The following ZNF451 variants were observed in gnomAD, a reference collection of about 807,000 sequenced individuals.
ZNF451 encodes the protein E3 SUMO-protein ligase ZNF451.
Under a neutral mutation model 107.1 loss-of-function variants are expected in ZNF451, and 80 were observed. That is an observed-to-expected ratio of 0.75 (90% CI 0.62 to 0.90). The LOEUF is 0.90. ZNF451 is among the 40% of genes least tolerant of loss of function. The pLI, the probability that ZNF451 is intolerant of heterozygous loss-of-function variation, is 0.00. For synonymous variants in ZNF451, 362 were observed against 406.5 expected (o/e 0.89, Z 1.32); for missense variants, 1,107 against 1,236.2 (o/e 0.90, Z 1.57).
In ZNF451 at chr6:57,169,535, A is replaced by G. The variant is rs1269283027; in HGVS notation, c.*1066A>G. 7 of 152,142 alleles carry G rather than the reference A, an allele frequency of 4.6e-5. No individual in the cohort carries two copies. 9.4% of individuals were successfully genotyped at this position (152,142 alleles called of 1,614,324 possible). On this transcript the variant is annotated 3_prime_UTR_variant, in exon 15 of 15. Transcript: ENST00000370706. ...TGTCTTATCTCTAAAAATTTTTAGT[A>G]GTAATTATTTACCAAACTTAAAAAC...
intron 2 of ZNF451, among the ~76,000 whole-genome samples, chr6:57,097,868 C>G (rs1829401377): frequency 6.6e-6 from 1 of 151,978 alleles, no homozygotes; most frequent in Admixed American, 6.6e-5. Context: ...ATTGGCATTA[C>G]TATTCTTATA....
chr6:57,115,318 T>C (rs1230853771), intron 3 of ZNF451: 2 of 152,260 alleles, frequency 1.3e-5, no homozygotes, highest in African/African-American at 4.8e-5. Flanking sequence ...GGAAGAGATG[T>C]TGAAATGTAA....
At chr6:57,168,236 C>T (rs544131433) in intron 14 of ZNF451, among the ~76,000 whole-genome samples, 187 bp from the exon 15 acceptor site, 1 of 152,246 alleles carries the variant, frequency 6.6e-6, no homozygotes, top group Admixed American at 6.5e-5. Context: ...AATTCAAGAT[C>T]ATGTCTAGAT....
chr6:57,166,367 G>A (rs1763898076), intron 14 of ZNF451, among the ~76,000 whole-genome samples: 1 of 152,080 alleles, frequency 6.6e-6, no homozygotes, highest in Non-Finnish European at 1.5e-5. Context: ...TCAGTAATCA[G>A]TTCACCTTAG....
intron 4 of ZNF451, 51 bp from the exon 5 acceptor site, chr6:57,128,678 C>G: frequency 7.7e-7 from 1 of 1,295,412 alleles, no homozygotes; most frequent in Non-Finnish European, 1.1e-6. Flanking sequence ...ATCCTTTTCT[C>G]AAGGAAAACA....
intron 14 of ZNF451, among the ~76,000 whole-genome samples, chr6:57,163,436 C>CTTTTTTTTT (rs398001706): frequency 0.013 from 389 of 30,346 alleles, 120 homozygotes; most frequent in Non-Finnish European, 0.015. Flanking sequence ...AATGAATAAA[C>CTTTTTTTTT]TTTTTTTTTT....
In ZNF451 at chr6:57,152,188, G is replaced by GATT. The variant is rs776143396; in HGVS notation, c.2753-30_2753-28dup. 50 of 1,581,706 alleles carry GATT rather than the reference G, an allele frequency of 3.2e-5. 2 individuals are homozygous for GATT. The Middle Eastern group carries it at 1.0e-3, about 32-fold the overall frequency. ...ATTTTTGGCCTTTCCTCTCCTGTTT[G>GATT]ATTATCATTTTTGCCTTTTCTAAAA... On this transcript the variant is annotated intron_variant, in intron 11 of 14. Transcript: ENST00000370706.
At chr6:57,151,058 A>C (rs538967369) in intron 11 of ZNF451, 196 bp downstream of exon 11, 1 of 609,272 alleles carries the variant, frequency 1.6e-6, no homozygotes, top group African/African-American at 1.9e-5. Context: ...CTATCTGGTG[A>C]CTCAAAGTTT....
chr6:57,134,486 G>A (rs112160441), intron 6 of ZNF451, among the ~76,000 whole-genome samples: 1 of 152,166 alleles, frequency 6.6e-6, no homozygotes, highest in Non-Finnish European at 1.5e-5. Context: ...GGTAAGAAAT[G>A]TCTAAATCTA....
chr6:57,168,999 T>C lies in ZNF451; in HGVS notation c.*530T>C, dbSNP rs1399268485. 2.0e-5 allele frequency: 3 copies of C among 152,292 alleles called. No individual in the cohort carries two copies. The highest frequency in any genetic ancestry group is 7.2e-5 in the African/African-American group (3 of 41,470). The allele number at this position is 152,292 out of a possible 1,614,324, so 9.4% of individuals were successfully genotyped here. On this transcript the variant is annotated 3_prime_UTR_variant, in exon 15 of 15. Coordinates refer to ENST00000370706, the MANE Select transcript of ZNF451 (RefSeq NM_001031623.3). The stretch of plus-strand genomic sequence containing the variant: ...AATGGAAACTGATCATGGAAACATT[T>C]AAAATTTTATCAGCAATGTTCTTTG...
chr6:57,129,737 CT>C (rs976641075), intron 5 of ZNF451, among the ~76,000 whole-genome samples: 1 of 152,126 alleles, frequency 6.6e-6, no homozygotes, highest in African/African-American at 2.4e-5. Flanking sequence ...TTGGCACCCC[CT>C]GAAACTATAT....
chr6:57,100,790 A>C, intron 3 of ZNF451: 3 of 1,549,192 alleles, frequency 1.9e-6, no homozygotes, highest in Non-Finnish European at 1.7e-6. Context: ...AATGATCAAA[A>C]TAATTCAGAT....
intron 3 of ZNF451, among the ~76,000 whole-genome samples, chr6:57,123,433 C>T (rs1015423594): frequency 6.6e-6 from 1 of 152,140 alleles, no homozygotes; most frequent in Non-Finnish European, 1.5e-5. Context: ...ACCATATGTT[C>T]TCATTTATAA....
At chr6:57,162,363 G>A (rs145709197) in intron 14 of ZNF451, among the ~76,000 whole-genome samples, 1 of 152,174 alleles carries the variant, frequency 6.6e-6, no homozygotes, top group African/African-American at 2.4e-5. Flanking sequence ...ATGGAGTCTG[G>A]CAGTGGAATC....
intron 12 of ZNF451, among the ~76,000 whole-genome samples, chr6:57,153,474 TCTTGGCTGCAA>T (rs1435262279): frequency 6.6e-6 from 1 of 151,664 alleles, no homozygotes; most frequent in Non-Finnish European, 1.5e-5. Flanking sequence ...AGTGGCGCGA[TCTTGGCTGCAA>T]CTTCTGCCTC....
At chr6:57,139,571 C>G (rs189394057) in intron 7 of ZNF451, among the ~76,000 whole-genome samples, 1 of 152,174 alleles carries the variant, frequency 6.6e-6, no homozygotes, top group African/African-American at 2.4e-5. Flanking sequence ...GAGGCTATTA[C>G]TCTAAAGACC....
chr6:57,124,359 C>T (rs1830808496), intron 3 of ZNF451: 1 of 703,324 alleles, frequency 1.4e-6, no homozygotes, highest in Non-Finnish European at 2.6e-6. Flanking sequence ...TATGGAGGTT[C>T]CTGCTAGAAG....
chr6:57,136,115 T>C (rs1008177182), intron 7 of ZNF451, among the ~76,000 whole-genome samples: 1 of 152,136 alleles, frequency 6.6e-6, no homozygotes, highest in African/African-American at 2.4e-5. Context: ...TCATTAGTTT[T>C]TGGAGAGCCT....
chr6:57,154,242 C>T (rs1763290620), intron 13 of ZNF451, 195 bp downstream of exon 13: 1 of 617,094 alleles, frequency 1.6e-6, no homozygotes, highest in South Asian at 2.1e-5. Context: ...AGGATGAATT[C>T]ATAATAATTT....
Sources: gnomAD v4.1 joint callset for allele counts (sites outside exome capture counted in the v4.1 genomes callset) on GRCh38, gnomAD v4.1.1 for gene constraint, MANE v1.5 for transcripts, NCBI Gene and HGNC (gene_info 2026-07-23, HGNC 2026-07-21) for gene names.